The following DGKG variants were observed in gnomAD, a reference collection of about 807,000 sequenced individuals.
DGKG encodes the protein DAG kinase gamma.
DGKG carries 78 observed loss-of-function variants against 105.3 expected under a neutral mutation model. That is an observed-to-expected ratio of 0.74 (90% CI 0.62 to 0.89). The LOEUF is 0.89. DGKG is among the 40% of genes least tolerant of loss of function. The probability of loss-of-function intolerance (pLI) is 0.00; values close to 1 mark genes in which losing one functional copy is unlikely to be tolerated. For missense variants in DGKG, 958 were observed against 1,020.1 expected, an observed-to-expected ratio of 0.94 and a Z score of 0.83; for synonymous variants, 346 against 367.1, an observed-to-expected ratio of 0.94 and a Z score of 0.66.
chr3:186,242,583 G>A lies in DGKG; in HGVS notation c.1762-15C>T. 6.2e-7 allele frequency: 1 copy of A among 1,611,984 alleles called. No individual in the cohort carries two copies. Among genetic ancestry groups the A allele is most frequent in the South Asian group, 1.1e-5 (1 of 90,928 alleles). On this transcript the variant is annotated splice_polypyrimidine_tract_variant and intron_variant, in intron 19 of 24. Transcript: ENST00000265022. ...ATGGAAGCGTCCTGAAAGTGAAAGA[G>A]ACAAAGCAGATCCTTGGTGAGTGGT...
At chr3:186,324,999 G>A (rs1353550060) in intron 1 of DGKG, among the ~76,000 whole-genome samples, 1 of 152,170 alleles carries the variant, frequency 6.6e-6, no homozygotes, top group Non-Finnish European at 1.5e-5. Context: ...AAAATGTAAT[G>A]CACATATACC....
chr3:186,249,195 T>A (rs1578724256), intron 19 of DGKG, among the ~76,000 whole-genome samples: 1 of 152,090 alleles, frequency 6.6e-6, no homozygotes, highest in Non-Finnish European at 1.5e-5. Flanking sequence ...TAGGGAAACA[T>A]TCCCCTCAGC....
intron 5 of DGKG, among the ~76,000 whole-genome samples, chr3:186,292,825 A>G (rs1047092259): frequency 2.0e-5 from 3 of 151,974 alleles, no homozygotes; most frequent in African/African-American, 7.3e-5. Context: ...AAAAGAAGAA[A>G]CTCGGTCCCA....
At chr3:186,277,753 C>T (rs1027453382) in intron 9 of DGKG, among the ~76,000 whole-genome samples, 2 of 152,102 alleles carry the variant, frequency 1.3e-5, no homozygotes, top group Non-Finnish European at 1.5e-5. Context: ...GGCTGCAGAA[C>T]GTGGGCGTAG....
intron 24 of DGKG, among the ~76,000 whole-genome samples, chr3:186,150,901 T>A (rs1401470802): frequency 1.3e-5 from 2 of 152,228 alleles, no homozygotes; most frequent in South Asian, 4.1e-4. Flanking sequence ...GGTCATGGCT[T>A]TGAAATAGTT....
In DGKG at chr3:186,147,904, G is replaced by C; in HGVS notation, c.*2186C>G. Reference sequence around the variant, plus strand: ...CATCACCAAGAATACCATCATTAAAGATATTCTTCAGGTGGCCTGGTTTTC... The same window carrying C: ...CATCACCAAGAATACCATCATTAAACATATTCTTCAGGTGGCCTGGTTTTC... On this transcript the variant is annotated 3_prime_UTR_variant, in exon 25 of 25. Coordinates refer to ENST00000265022, the MANE Select transcript of DGKG (RefSeq NM_001346.3). 1.0e-6 allele frequency: 1 copy of C among 985,414 alleles called. No individual in the cohort carries two copies. Among genetic ancestry groups the C allele is most frequent in the Non-Finnish European group, 1.2e-6 (1 of 829,940 alleles). 61.0% of individuals were successfully genotyped at this position (985,414 alleles called of 1,614,324 possible).
At chr3:186,307,881 C>CTT (rs3216624) in intron 2 of DGKG, among the ~76,000 whole-genome samples, 48,490 of 144,364 alleles carry the variant, frequency 0.34, 8,367 homozygotes, top group East Asian at 0.4. Context: ...AACTCTGTCC[C>CTT]TTTTTTTTTT....
At chr3:186,183,507 G>A (rs917669577) in intron 22 of DGKG, among the ~76,000 whole-genome samples, 3 of 151,248 alleles carry the variant, frequency 2.0e-5, no homozygotes, top group East Asian at 3.9e-4. Flanking sequence ...CCTTTCTTGG[G>A]GGGGGGCGGG....
intron 22 of DGKG, among the ~76,000 whole-genome samples, chr3:186,169,999 C>T (rs1716744054): frequency 1.3e-5 from 2 of 152,140 alleles, no homozygotes; most frequent in South Asian, 2.1e-4. Flanking sequence ...GGGAGAGGTG[C>T]TGTGAAAAGC....
At chr3:186,254,309 T>C (rs1273434457) in intron 17 of DGKG, among the ~76,000 whole-genome samples, 1 of 152,206 alleles carries the variant, frequency 6.6e-6, no homozygotes, top group Non-Finnish European at 1.5e-5. Context: ...CCAGGTTGTC[T>C]GACCTATATC....
At chr3:186,207,021 T>C (rs528516677) in intron 21 of DGKG, among the ~76,000 whole-genome samples, 1 of 152,206 alleles carries the variant, frequency 6.6e-6, no homozygotes, top group Admixed American at 6.5e-5. Context: ...AGTGCTGGGA[T>C]TGTAGGCATG....
chr3:186,222,688 C>A (rs904620732), intron 20 of DGKG, among the ~76,000 whole-genome samples: 1 of 151,738 alleles, frequency 6.6e-6, no homozygotes, highest in African/African-American at 2.4e-5. Context: ...ACTAAAAATA[C>A]AAAAATTAGG....
At chr3:186,240,691 TC>T (rs1240559583) in intron 20 of DGKG, among the ~76,000 whole-genome samples, 2 of 151,762 alleles carry the variant, frequency 1.3e-5, no homozygotes, top group Non-Finnish European at 2.9e-5. Context: ...GTGCCTGTAA[TC>T]CCAGCTACTT....
At chr3:186,283,093 G>T (rs973733513) in intron 7 of DGKG, among the ~76,000 whole-genome samples, 1 of 151,838 alleles carries the variant, frequency 6.6e-6, no homozygotes, top group Non-Finnish European at 1.5e-5. Flanking sequence ...ATTTTTAGTA[G>T]AAACGGGGTT....
intron 17 of DGKG, among the ~76,000 whole-genome samples, chr3:186,255,859 G>A (rs1412311935): frequency 6.6e-6 from 1 of 152,124 alleles, no homozygotes; most frequent in Admixed American, 6.5e-5. Context: ...GAGAGTGAAC[G>A]GATGAATATC....
chr3:186,331,745 C>T (rs779944928), intron 1 of DGKG, among the ~76,000 whole-genome samples: 1 of 152,182 alleles, frequency 6.6e-6, no homozygotes, highest in Non-Finnish European at 1.5e-5. Flanking sequence ...GTTTGTAGCT[C>T]AGGGGCATCA....
intron 24 of DGKG, chr3:186,158,634 C>A: frequency 1.1e-6 from 1 of 924,204 alleles, no homozygotes; most frequent in Non-Finnish European, 1.3e-6. Flanking sequence ...TATTTAATTT[C>A]TTTATGAGTT....
intron 20 of DGKG, among the ~76,000 whole-genome samples, chr3:186,220,959 C>T (rs1336053203): frequency 8.5e-5 from 13 of 152,202 alleles, no homozygotes; most frequent in Admixed American, 7.2e-4. Flanking sequence ...ACTCCAAGCA[C>T]GAAGATTGCC....
intron 7 of DGKG, among the ~76,000 whole-genome samples, chr3:186,283,140 C>T (rs1371930244): frequency 1.3e-5 from 2 of 152,056 alleles, no homozygotes; most frequent in Admixed American, 1.3e-4. Context: ...AACTCCTGAC[C>T]TCGTGATCTG....
Sources: gnomAD v4.1 joint callset for allele counts (sites outside exome capture counted in the v4.1 genomes callset) on GRCh38, gnomAD v4.1.1 for gene constraint, MANE v1.5 for transcripts, NCBI Gene and HGNC (gene_info 2026-07-23, HGNC 2026-07-21) for gene names.